Variants in DCLK2 observed in about 807,000 individuals in gnomAD.
DCLK2 encodes the protein doublecortin like kinase 2.
In DCLK2, 31 loss-of-function variants were observed where a neutral mutation model predicts 78.4. The observed-to-expected ratio is 0.40, with a 90% CI of 0.30 to 0.53. DCLK2 has a LOEUF of 0.53. Among genes scored for constraint, DCLK2 ranks in the 20% least tolerant of loss-of-function variants. The probability of loss-of-function intolerance (pLI) is 0.61; values close to 1 mark genes in which losing one functional copy is unlikely to be tolerated. For missense variants in DCLK2, 872 were observed against 973.7 expected, an observed-to-expected ratio of 0.90 and a Z score of 1.39; for synonymous variants, 407 against 374.9, an observed-to-expected ratio of 1.09 and a Z score of -0.99.
rs1267298354 is a variant in DCLK2, at chr4:150,256,744, G to C, written c.*497G>C. The C allele has an allele frequency of 6.5e-6, 1 of 153,042 alleles. No individual in the cohort carries two copies. The highest frequency in any genetic ancestry group is 1.5e-5 in the Non-Finnish European group (1 of 68,858). The allele number at this position is 153,042 out of a possible 1,614,324, so 9.5% of individuals were successfully genotyped here. A position where few individuals can be genotyped will look rare whatever the true frequency, so the allele number is the denominator to read the frequency against. The stretch of plus-strand genomic sequence containing the variant: ...GCATTTGTCCTTTTGTGGGTGTCCT[G>C]TGAGAGGTGATATGGGGGCTAAGAG... On this transcript the variant is annotated 3_prime_UTR_variant, in exon 16 of 16. Transcript: ENST00000296550.
At chr4:150,203,741 T>C (rs1163822665) in intron 4 of DCLK2, 54 bp from the exon 5 acceptor site, 25 of 1,420,702 alleles carry the variant, frequency 1.8e-5, no homozygotes, top group Non-Finnish European at 2.4e-5. Context: ...TTATACAGTC[T>C]GGTTGTTGTG....
chr4:150,211,706 TCATTC>T (rs1740333882), intron 5 of DCLK2, among the ~76,000 whole-genome samples: 1 of 152,138 alleles, frequency 6.6e-6, no homozygotes, highest in Non-Finnish European at 1.5e-5. Flanking sequence ...GACTCCCTAC[TCATTC>T]TTTTTCCTTC....
At chr4:150,198,166 C>G (rs2126421190) in intron 4 of DCLK2, 63 bp downstream of exon 4, 1 of 1,456,220 alleles carries the variant, frequency 6.9e-7, no homozygotes, top group African/African-American at 1.4e-5. Flanking sequence ...TCTGTTTTCT[C>G]TAATTTTTAT....
chr4:150,192,924 G>A (rs1738574049), intron 2 of DCLK2, among the ~76,000 whole-genome samples: 2 of 152,190 alleles, frequency 1.3e-5, no homozygotes, highest in South Asian at 4.1e-4. Context: ...GAATATTGAT[G>A]CATGTCATGA....
At chr4:150,216,905 A>T (rs1199597860) in intron 5 of DCLK2, among the ~76,000 whole-genome samples, 3 of 152,120 alleles carry the variant, frequency 2.0e-5, no homozygotes, top group Non-Finnish European at 2.9e-5. Context: ...GTTGGCAATT[A>T]TGAATGGCAT....
intron 2 of DCLK2, among the ~76,000 whole-genome samples, 159 bp from the exon 3 acceptor site, chr4:150,192,979 G>A (rs1244885172): frequency 6.6e-6 from 1 of 152,178 alleles, no homozygotes. Context: ...GTGTAAAAGT[G>A]CTTTGTGAAG....
At chr4:150,092,966 A>G (rs1054273783) in intron 1 of DCLK2, among the ~76,000 whole-genome samples, 4 of 152,164 alleles carry the variant, frequency 2.6e-5, no homozygotes, top group Non-Finnish European at 4.4e-5. Flanking sequence ...AAAGAAATAA[A>G]AGGTACCTAA....
intron 12 of DCLK2, among the ~76,000 whole-genome samples, chr4:150,245,691 A>G (rs923108089): frequency 6.6e-6 from 1 of 152,346 alleles, no homozygotes; most frequent in Middle Eastern, 3.4e-3. Flanking sequence ...TACAAAGGAC[A>G]TGAACTCATC....
At chr4:150,190,651 A>T (rs1738384388) in intron 2 of DCLK2, among the ~76,000 whole-genome samples, 1 of 152,178 alleles carries the variant, frequency 6.6e-6, no homozygotes, top group Non-Finnish European at 1.5e-5. Context: ...AAAGGGGTTT[A>T]TGGGGAGTGA....
Position 150,240,390 on chromosome 4 carries a change from T to A in DCLK2, c.1701-9T>A. 1 of 1,613,646 alleles carries A rather than the reference T, an allele frequency of 6.2e-7. No individual in the cohort carries two copies. Among genetic ancestry groups the A allele is most frequent in the South Asian group, 1.1e-5 (1 of 91,008 alleles). ...AGTTCTCTCCCCCTCACCCACTTTG[T>A]TTTCCTAGCTATGGCCTGAAGGTGG... On this transcript the variant is annotated splice_polypyrimidine_tract_variant and intron_variant, in intron 11 of 15. Coordinates refer to ENST00000296550, the MANE Select transcript of DCLK2 (RefSeq NM_001040260.4).
intron 2 of DCLK2, among the ~76,000 whole-genome samples, chr4:150,177,521 C>T (rs1737182733): frequency 6.6e-6 from 1 of 152,108 alleles, no homozygotes; most frequent in Admixed American, 6.6e-5. Context: ...CTAAATTGAA[C>T]ATTCTGAGAA....
intron 12 of DCLK2, among the ~76,000 whole-genome samples, chr4:150,243,686 A>G (rs1284671237): frequency 6.6e-6 from 1 of 151,614 alleles, no homozygotes; most frequent in Non-Finnish European, 1.5e-5. Flanking sequence ...CAGGCTTTTC[A>G]GGTTTTAGTT....
chr4:150,105,473 ATGT>A (rs1185359091), intron 2 of DCLK2, among the ~76,000 whole-genome samples: 1 of 152,084 alleles, frequency 6.6e-6, no homozygotes, highest in Admixed American at 6.5e-5. Flanking sequence ...CTTAAAGAAA[ATGT>A]TCAGTGTTTT....
chr4:150,239,797 C>T lies in DCLK2; in HGVS notation c.1622C>T (p.Ala541Val), dbSNP rs1258552457. The T allele has an allele frequency of 5.0e-6, 8 of 1,614,042 alleles. No individual in the cohort carries two copies. Among genetic ancestry groups the T allele is most frequent in the Non-Finnish European group, 6.8e-6 (8 of 1,180,032 alleles). The change falls in exon 11 of 16, where the codon GCG (alanine) becomes GTG (valine). Residue 541 changes from alanine to valine, a missense_variant. By Grantham distance (64) the Ala-to-Val change is moderately conservative (BLOSUM62 0). Coordinates refer to ENST00000296550, the MANE Select transcript of DCLK2 (RefSeq NM_001040260.4). ...KSLKLGDFGL[A>V]TVVEGPLYTV... ...TTGAAACTGGGAGACTTTGGGCTTG[C>T]GACTGTGGTAGAAGGCCCTTTATAC...
chr4:150,254,401 G>A (rs563352023), intron 15 of DCLK2: 28 of 398,922 alleles, frequency 7.0e-5, no homozygotes, highest in African/African-American at 1.0e-4. Flanking sequence ...CTCTCCCGCC[G>A]CCTGCATTGC....
Position 150,249,703 on chromosome 4 carries a change from G to A in DCLK2, c.2073+19G>A. 6.2e-7 allele frequency: 1 copy of A among 1,603,402 alleles called. No homozygotes were observed. The highest frequency in any genetic ancestry group is 8.5e-7 in the Non-Finnish European group (1 of 1,171,096). ...CATCATGGTGAGTGGAAGGCGGCAG[G>A]TCTGGCCTGACTGCGGAGCCGGCCT... On this transcript the variant is annotated intron_variant, in intron 15 of 15. Transcript: ENST00000296550.
At chr4:150,226,836 TC>T (rs1487282864) in intron 8 of DCLK2, among the ~76,000 whole-genome samples, 2 of 151,260 alleles carry the variant, frequency 1.3e-5, no homozygotes, top group African/African-American at 2.4e-5. Flanking sequence ...AGTTGATTTT[TC>T]CCATTACATT....
intron 2 of DCLK2, among the ~76,000 whole-genome samples, chr4:150,120,832 G>T (rs1337818306): frequency 6.6e-6 from 1 of 152,228 alleles, no homozygotes; most frequent in African/African-American, 2.4e-5. Flanking sequence ...ATTTTGGGAG[G>T]TCAAGGCAGG....
At chr4:150,178,549 T>C (rs1036831839) in intron 2 of DCLK2, among the ~76,000 whole-genome samples, 8 of 152,168 alleles carry the variant, frequency 5.3e-5, no homozygotes, top group Non-Finnish European at 7.3e-5. Flanking sequence ...AAAAATCTTA[T>C]TGCTTTTCTT....
Sources: gnomAD v4.1 joint callset for allele counts (sites outside exome capture counted in the v4.1 genomes callset) on GRCh38, gnomAD v4.1.1 for gene constraint, MANE v1.5 for transcripts, NCBI Gene and HGNC (gene_info 2026-07-23, HGNC 2026-07-21) for gene names.